Variants in GALNT17 observed in about 807,000 individuals in gnomAD.
GALNT17 encodes UDP-GalNAc:polypeptide N-acetylgalactosaminyltransferase-like 3.
GALNT17 carries 29 observed loss-of-function variants against 63.7 expected under a neutral mutation model. That is an observed-to-expected ratio of 0.46 (90% CI 0.34 to 0.62). The LOEUF (loss-of-function observed/expected upper bound fraction) is 0.62. GALNT17 is among the 20% of genes least tolerant of loss of function. GALNT17 has a pLI of 0.01. For synonymous variants in GALNT17, 305 were observed against 318.3 expected, an observed-to-expected ratio of 0.96 and a Z score of 0.45; for missense variants, 603 against 799.6, an observed-to-expected ratio of 0.75 and a Z score of 2.97.
intron 1 of GALNT17, among the ~76,000 whole-genome samples, chr7:71,199,581 G>A (rs1253470459): frequency 5.2e-5 from 7 of 134,340 alleles, no homozygotes; most frequent in Non-Finnish European, 6.2e-5. Flanking sequence ...CTACCCTTCT[G>A]CTCATTAATC....
intron 6 of GALNT17, among the ~76,000 whole-genome samples, chr7:71,634,959 A>G (rs1177732201): frequency 6.6e-6 from 1 of 151,990 alleles, no homozygotes; most frequent in Non-Finnish European, 1.5e-5. Flanking sequence ...TTGTAATCCC[A>G]GCACTTTGGG....
intron 1 of GALNT17, among the ~76,000 whole-genome samples, chr7:71,280,606 G>T (rs1790763371): frequency 6.6e-6 from 1 of 152,184 alleles, no homozygotes; most frequent in Admixed American, 6.5e-5. Context: ...GTTCAGAGTT[G>T]CCTCTGGCTT....
At chr7:71,248,667 C>T (rs1196840896) in intron 1 of GALNT17, among the ~76,000 whole-genome samples, 1 of 152,098 alleles carries the variant, frequency 6.6e-6, no homozygotes, top group African/African-American at 2.4e-5. Flanking sequence ...ATGGCTTCAG[C>T]TTTGTCATCT....
chr7:71,237,158 T>G (rs1307777443), intron 1 of GALNT17, among the ~76,000 whole-genome samples: 1 of 152,190 alleles, frequency 6.6e-6, no homozygotes, highest in Non-Finnish European at 1.5e-5. Flanking sequence ...GCAGATCGCC[T>G]CCTTCTTTAA....
At chr7:71,490,885 C>T (rs1787994599) in intron 5 of GALNT17, among the ~76,000 whole-genome samples, 1 of 151,510 alleles carries the variant, frequency 6.6e-6, no homozygotes, top group Admixed American at 6.6e-5. Context: ...AGGTAGCAGA[C>T]CCTGTCTCTT....
chr7:71,175,715 G>T (rs920794489), intron 1 of GALNT17, among the ~76,000 whole-genome samples: 1 of 152,088 alleles, frequency 6.6e-6, no homozygotes, highest in African/African-American at 2.4e-5. Context: ...CTCTGTAACA[G>T]ATTGTCCAAA....
intron 5 of GALNT17, among the ~76,000 whole-genome samples, chr7:71,490,203 G>C (rs1287833849): frequency 1.3e-5 from 2 of 151,644 alleles, no homozygotes; most frequent in Non-Finnish European, 2.9e-5. Flanking sequence ...GTTGCAGTGA[G>C]CTGAGATTGA....
chr7:71,460,194 A>T (rs543888597), intron 5 of GALNT17, among the ~76,000 whole-genome samples: 2 of 152,260 alleles, frequency 1.3e-5, no homozygotes, highest in South Asian at 4.2e-4. Flanking sequence ...CAAGTGTTTT[A>T]CAGAGTTCAA....
chr7:71,357,757 A>G (rs1179798656), intron 2 of GALNT17, among the ~76,000 whole-genome samples: 1 of 152,114 alleles, frequency 6.6e-6, no homozygotes, highest in Non-Finnish European at 1.5e-5. Context: ...TGCTGGACTT[A>G]CTGGGTTGAG....
chr7:71,699,058 C>G (rs10266865), intron 9 of GALNT17, among the ~76,000 whole-genome samples: 20,711 of 150,590 alleles, frequency 0.14, 1,614 homozygotes, highest in African/African-American at 0.2. Flanking sequence ...TGTAATCCCA[C>G]CTACTCGGGA....
chr7:71,592,443 T>C (rs1231164549), intron 6 of GALNT17, among the ~76,000 whole-genome samples: 1 of 151,170 alleles, frequency 6.6e-6, no homozygotes, highest in East Asian at 1.9e-4. Flanking sequence ...TGCAGTGAGC[T>C]GAGATCGTGC....
At chr7:71,188,778 G>A (rs1262251635) in intron 1 of GALNT17, among the ~76,000 whole-genome samples, 2 of 152,076 alleles carry the variant, frequency 1.3e-5, no homozygotes, top group Non-Finnish European at 2.9e-5. Flanking sequence ...ATTTGCTTTT[G>A]GGTTCCCAAG....
intron 1 of GALNT17, among the ~76,000 whole-genome samples, chr7:71,309,979 G>T (rs184408367): frequency 6.6e-6 from 1 of 152,176 alleles, no homozygotes; most frequent in Non-Finnish European, 1.5e-5. Flanking sequence ...TGCTGTTCTC[G>T]TGATAGCGAA....
intron 6 of GALNT17, among the ~76,000 whole-genome samples, chr7:71,639,564 T>C (rs935809956): frequency 6.6e-6 from 1 of 152,178 alleles, no homozygotes; most frequent in Non-Finnish European, 1.5e-5. Context: ...GGAGTGAAGC[T>C]GAACTCCCTG....
chr7:71,601,738 T>C (rs1260740660), intron 6 of GALNT17, among the ~76,000 whole-genome samples: 1 of 151,926 alleles, frequency 6.6e-6, no homozygotes, highest in Non-Finnish European at 1.5e-5. Flanking sequence ...CAAGCTAAGA[T>C]CACACCACTG....
At chr7:71,176,051 TG>T (rs1788631479) in intron 1 of GALNT17, among the ~76,000 whole-genome samples, 1 of 152,164 alleles carries the variant, frequency 6.6e-6, no homozygotes, top group Admixed American at 6.5e-5. Context: ...CCCATCTGGC[TG>T]GTTAATGCTG....
chr7:71,568,535 G>T (rs912605440), intron 5 of GALNT17, among the ~76,000 whole-genome samples: 5 of 152,156 alleles, frequency 3.3e-5, no homozygotes, highest in Non-Finnish European at 7.3e-5. Context: ...TTATCTCCAT[G>T]TGTACCCAAT....
chr7:71,380,274 CAATT>C (rs5884834), intron 2 of GALNT17, among the ~76,000 whole-genome samples: 3,272 of 152,134 alleles, frequency 0.022, 50 homozygotes, highest in South Asian at 0.054. Context: ...AGGAACATGT[CAATT>C]AAGCCAATTA....
intron 6 of GALNT17, 81 bp from the exon 7 acceptor site, chr7:71,665,330 A>C: frequency 1.4e-6 from 2 of 1,417,472 alleles, no homozygotes; most frequent in Non-Finnish European, 1.9e-6. Context: ...AAGTCAGCTG[A>C]ACCATTGCTT....
Sources: allele counts gnomAD v4.1 joint callset (sites outside exome capture counted in the v4.1 genomes callset), GRCh38; gene constraint gnomAD v4.1.1; transcripts MANE v1.5; gene names NCBI Gene and HGNC (gene_info 2026-07-23, HGNC 2026-07-21).